Variants in PRKG1 observed in about 807,000 individuals in gnomAD.
PRKG1 encodes the protein cGMP-dependent protein kinase 1.
Under a neutral mutation model 88.1 loss-of-function variants are expected in PRKG1, and 35 were observed. The observed-to-expected ratio is 0.40, with a 90% confidence interval of 0.30 to 0.53. PRKG1 has a LOEUF of 0.53. Among genes scored for constraint, PRKG1 ranks in the 20% least tolerant of loss-of-function variants. PRKG1 has a pLI of 0.59. For synonymous variants in PRKG1, 303 were observed against 292.5 expected (o/e 1.04, Z -0.37); for missense variants, 540 against 839.8 (o/e 0.64, Z 4.41).
chr10:51,129,592 G>C (rs1240832852), intron 1 of PRKG1, among the ~76,000 whole-genome samples: 2 of 152,172 alleles, frequency 1.3e-5, no homozygotes, highest in African/African-American at 4.8e-5. Context: ...AGTCAAGTGA[G>C]ACAGTTAGAC....
At chr10:52,233,719 C>T (rs371964328) in intron 9 of PRKG1, among the ~76,000 whole-genome samples, 2 of 145,770 alleles carry the variant, frequency 1.4e-5, no homozygotes, top group South Asian at 2.3e-4. Context: ...AACTGCAAGG[C>T]GGCAGCGAGG....
Position 52,166,793 on chromosome 10 carries a change from A to ATATATATATATATGTG in PRKG1, c.1076+4834_1076+4835insTATATATATGTGTATA, listed in dbSNP as rs1489545159. On this transcript the variant is annotated intron_variant, in intron 9 of 17. Coordinates refer to ENST00000373980, the MANE Select transcript of PRKG1 (RefSeq NM_006258.4). ...TTTCTTCAAATAAAAAAGCCTATAT[A>ATATATATATATATGTG]TATACATATATATATGTATATATAT... 5.8e-3 allele frequency among the ~76,000 whole-genome samples: 49 copies of ATATATATATATATGTG among 8,384 alleles called. No homozygotes were observed. In the East Asian group the frequency reaches 0.27, roughly 47 times the overall value. 5.5% of individuals were successfully genotyped at this position (8,384 alleles called of 152,430 possible).
At chr10:51,019,705 A>C (rs1192463610) in intron 1 of PRKG1, among the ~76,000 whole-genome samples, 3 of 152,084 alleles carry the variant, frequency 2.0e-5, no homozygotes, top group South Asian at 2.1e-4. Flanking sequence ...AAGTAAAAAA[A>C]CCCCACAGAA....
At chr10:51,751,036 G>C (rs1470901258) in intron 3 of PRKG1, among the ~76,000 whole-genome samples, 2 of 152,128 alleles carry the variant, frequency 1.3e-5, no homozygotes, top group African/African-American at 2.4e-5. Context: ...CAATTAAAGA[G>C]AGAATTTTAG....
At chr10:51,918,183 A>G (rs1842384761) in intron 5 of PRKG1, among the ~76,000 whole-genome samples, 1 of 152,168 alleles carries the variant, frequency 6.6e-6, no homozygotes, top group Admixed American at 6.5e-5. Flanking sequence ...ATTTTACCCT[A>G]TGCAATCCGA....
At chr10:51,164,798 G>A (rs1846483340) in intron 2 of PRKG1, among the ~76,000 whole-genome samples, 1 of 152,102 alleles carries the variant, frequency 6.6e-6, no homozygotes, top group South Asian at 2.1e-4. Flanking sequence ...AAGGGTATCA[G>A]TGATGGAAGA....
intron 9 of PRKG1, among the ~76,000 whole-genome samples, chr10:52,249,460 G>A (rs1162971539): frequency 2.0e-5 from 3 of 151,956 alleles, no homozygotes; most frequent in Non-Finnish European, 4.4e-5. Context: ...CTGTGGCAAG[G>A]CTTAAATTAA....
chr10:51,040,232 T>TTGTGTGTGTGTGTG (rs373057468), intron 1 of PRKG1, among the ~76,000 whole-genome samples: 3 of 117,788 alleles, frequency 2.5e-5, no homozygotes, highest in African/African-American at 6.5e-5. Flanking sequence ...TCCATTCCAT[T>TTGTGTGTGTGTGTG]TGTGTGTGTG....
chr10:51,860,285 T>G (rs1243296497), intron 4 of PRKG1, among the ~76,000 whole-genome samples: 1 of 152,176 alleles, frequency 6.6e-6, no homozygotes, highest in Non-Finnish European at 1.5e-5. Flanking sequence ...CATACCTATG[T>G]GTCAATTGTG....
chr10:51,822,112 C>T (rs1349904792), intron 4 of PRKG1, among the ~76,000 whole-genome samples: 1 of 151,388 alleles, frequency 6.6e-6, no homozygotes, highest in Non-Finnish European at 1.5e-5. Context: ...TATATATATA[C>T]ACACATATAT....
chr10:51,941,426 A>T (rs1415706477), intron 5 of PRKG1, among the ~76,000 whole-genome samples: 1 of 151,694 alleles, frequency 6.6e-6, no homozygotes, highest in Non-Finnish European at 1.5e-5. Context: ...TATTTTGATC[A>T]CACGTGCTTA....
chr10:51,877,065 C>A (rs1286407176), intron 4 of PRKG1, among the ~76,000 whole-genome samples: 2 of 152,130 alleles, frequency 1.3e-5, no homozygotes, highest in African/African-American at 2.4e-5. Flanking sequence ...AACACTCTGG[C>A]AGAGTGTCCC....
In PRKG1 at chr10:51,631,029, G is replaced by A. The variant is rs535957673; in HGVS notation, c.592+163193G>A. ...CTCCATGTGGCAAAGCAGTTTTGAA[G>A]GCTTCATGGCTTCTTCGTTGGATAG... On this transcript the variant is annotated intron_variant, in intron 3 of 17. Transcript: ENST00000373980. Among the ~76,000 whole-genome samples the A allele has an allele frequency of 5.3e-5, 8 of 152,306 alleles. No homozygotes were observed. The East Asian group carries it at 1.3e-3, about 26-fold the overall frequency.
At chr10:52,059,115 C>T (rs977800474) in intron 6 of PRKG1, among the ~76,000 whole-genome samples, 1 of 151,896 alleles carries the variant, frequency 6.6e-6, no homozygotes, top group Admixed American at 6.6e-5. Flanking sequence ...TCCTGAGATA[C>T]TACTGCATAC....
rs367550176 is a variant in PRKG1, at chr10:51,050,997, ATTTTTTG to A, written c.266+59367_266+59373del. Among the ~76,000 whole-genome samples, 472 of 150,612 alleles carry A rather than the reference ATTTTTTG, an allele frequency of 3.1e-3. 2 individuals carry two copies. Among genetic ancestry groups the A allele is most frequent in the African/African-American group, 0.011 (467 of 41,066 alleles). ...TCCTTTGCTCATTTGCTCACTTTTT[ATTTTTTG>A]TTTTTTGTTTTTTTGCTTTTGAGTC... is the stretch of plus-strand genomic sequence containing the variant. On this transcript the variant is annotated intron_variant, in intron 1 of 17. Transcript: ENST00000401604.
intron 3 of PRKG1, among the ~76,000 whole-genome samples, chr10:51,593,304 C>T (rs562700998): frequency 1.1e-4 from 16 of 149,534 alleles, no homozygotes; most frequent in African/African-American, 4.1e-4. Flanking sequence ...ATACCCTATA[C>T]TGAGAAAAAC....
At chr10:52,251,790 A>G (rs1381113350) in intron 10 of PRKG1, 124 bp downstream of exon 10, 1 of 820,286 alleles carries the variant, frequency 1.2e-6, no homozygotes, top group African/African-American at 1.7e-5. Flanking sequence ...TGATTCCTAA[A>G]TCAGTTCCAA....
intron 1 of PRKG1, among the ~76,000 whole-genome samples, chr10:51,135,974 G>A (rs184426762): frequency 6.8e-6 from 1 of 147,268 alleles, no homozygotes; most frequent in Non-Finnish European, 1.5e-5. Flanking sequence ...GTGGGGGAAG[G>A]GGGGAGGGGG....
chr10:52,046,868 A>T (rs1346154577), intron 5 of PRKG1: 1 of 152,190 alleles, frequency 6.6e-6, no homozygotes, highest in Non-Finnish European at 1.5e-5. Context: ...TCTCCTCTGC[A>T]CCTGAAGTTC....
Sources: allele counts gnomAD v4.1 joint callset (sites outside exome capture counted in the v4.1 genomes callset), GRCh38; gene constraint gnomAD v4.1.1; transcripts MANE v1.5; gene names NCBI Gene and HGNC (gene_info 2026-07-23, HGNC 2026-07-21).